ELMO1: variants seen among roughly 807,000 people sequenced by gnomAD.
The protein encoded by ELMO1 is engulfment and cell motility 1, also known as engulfment and cell motility protein 1.
Under a neutral mutation model 98.9 loss-of-function variants are expected in ELMO1, and 26 were observed. That is an observed-to-expected ratio of 0.26 (90% CI 0.19 to 0.36). ELMO1 has a LOEUF of 0.36. ELMO1 is among the 10% of genes least tolerant of loss of function. ELMO1 has a pLI of 1.00. For missense variants in ELMO1, 627 were observed against 935.2 expected, an observed-to-expected ratio of 0.67 and a Z score of 4.30; for synonymous variants, 346 against 346.0, an observed-to-expected ratio of 1.00 and a Z score of 0.00.
At chr7:37,285,125 T>C (rs1308600968) in intron 4 of ELMO1, among the ~76,000 whole-genome samples, 1 of 152,220 alleles carries the variant, frequency 6.6e-6, no homozygotes, top group African/African-American at 2.4e-5. Flanking sequence ...AGTTTCTGCA[T>C]CACCCGTGGG....
chr7:36,897,349 T>TGTGTGTGTGTGTGTGTGA (rs1370708472), intron 16 of ELMO1, among the ~76,000 whole-genome samples: 1,977 of 151,696 alleles, frequency 0.013, 17 homozygotes, highest in Non-Finnish European at 0.02. Flanking sequence ...TGTGTGTGTG[T>TGTGTGTGTGTGTGTGTGA]GAAAGAGTGT....
At chr7:37,204,075 G>A (rs531286619) in intron 13 of ELMO1, 5 of 456,276 alleles carry the variant, frequency 1.1e-5, no homozygotes, top group East Asian at 7.0e-5. Flanking sequence ...AAATAGGACA[G>A]AATAGCAAGC....
intron 4 of ELMO1, among the ~76,000 whole-genome samples, chr7:37,287,499 G>A (rs1797455003): frequency 6.6e-6 from 1 of 152,168 alleles, no homozygotes; most frequent in Non-Finnish European, 1.5e-5. Context: ...GGCATAAGAT[G>A]ATAAATGATA....
chr7:37,345,451 C>T (rs917607654), intron 1 of ELMO1, among the ~76,000 whole-genome samples: 6 of 152,038 alleles, frequency 3.9e-5, no homozygotes, highest in Admixed American at 6.6e-5. Flanking sequence ...GTGGCTCACG[C>T]CTGTAATCCC....
intron 6 of ELMO1, among the ~76,000 whole-genome samples, chr7:37,256,186 C>G (rs1034412154): frequency 6.6e-6 from 1 of 152,120 alleles, no homozygotes; most frequent in African/African-American, 2.4e-5. Context: ...CTGACAACAT[C>G]CAGGGTTTAC....
intron 8 of ELMO1, among the ~76,000 whole-genome samples, chr7:37,230,195 T>G (rs1287036289): frequency 6.6e-6 from 1 of 152,100 alleles, no homozygotes; most frequent in Non-Finnish European, 1.5e-5. Flanking sequence ...GATAAAGACA[T>G]GAAGAAAGCC....
At chr7:36,999,492 G>C (rs1471586308) in intron 16 of ELMO1, among the ~76,000 whole-genome samples, 5 of 152,146 alleles carry the variant, frequency 3.3e-5, no homozygotes, top group African/African-American at 9.7e-5. Flanking sequence ...AAGGAGCTAG[G>C]GTGTGAATCC....
chr7:37,403,312 C>T (rs904726456), intron 1 of ELMO1, among the ~76,000 whole-genome samples: 2 of 152,044 alleles, frequency 1.3e-5, no homozygotes, highest in African/African-American at 4.8e-5. Flanking sequence ...AATCCCAACA[C>T]TTTGAGAGGG....
At chr7:36,902,365 A>G (rs1374858959) in intron 16 of ELMO1, among the ~76,000 whole-genome samples, 1 of 152,146 alleles carries the variant, frequency 6.6e-6, no homozygotes, top group Non-Finnish European at 1.5e-5. Context: ...TGGCCCTCTG[A>G]GCTCTAAGCT....
chr7:37,119,247 GAGA>G (rs1785829363), intron 14 of ELMO1, among the ~76,000 whole-genome samples: 1 of 152,186 alleles, frequency 6.6e-6, no homozygotes, highest in African/African-American at 2.4e-5. Flanking sequence ...GGGCCTTGAG[GAGA>G]AGAACAGAGA....
At chr7:36,885,800 C>G (rs561089177) in intron 18 of ELMO1, among the ~76,000 whole-genome samples, 3 of 152,302 alleles carry the variant, frequency 2.0e-5, no homozygotes, top group South Asian at 2.1e-4. Flanking sequence ...AACTGAGAAG[C>G]CTGGCACCAA....
intron 16 of ELMO1, among the ~76,000 whole-genome samples, chr7:36,982,017 A>G (rs1162576815): frequency 1.3e-5 from 2 of 152,244 alleles, no homozygotes; most frequent in African/African-American, 4.8e-5. Context: ...TAGAGTAGCC[A>G]CTAAACACGG....
chr7:37,041,151 A>G (rs576883342), intron 15 of ELMO1, among the ~76,000 whole-genome samples: 51 of 151,536 alleles, frequency 3.4e-4, no homozygotes, highest in African/African-American at 1.1e-3. Flanking sequence ...CAGAGAAAAG[A>G]GGGGCATATG....
At chr7:37,155,599 G>A (rs187510624) in intron 13 of ELMO1, among the ~76,000 whole-genome samples, 2 of 151,834 alleles carry the variant, frequency 1.3e-5, no homozygotes, top group African/African-American at 4.8e-5. Flanking sequence ...AATGGTAAAG[G>A]GATCAATTCA....
chr7:36,937,195 C>T (rs1786610996), intron 16 of ELMO1, among the ~76,000 whole-genome samples: 1 of 152,200 alleles, frequency 6.6e-6, no homozygotes, highest in Admixed American at 6.5e-5. Flanking sequence ...GGAAACAGTG[C>T]CATTGCAGAT....
At chr7:37,180,558 C>G (rs1174338705) in intron 13 of ELMO1, among the ~76,000 whole-genome samples, 1 of 152,046 alleles carries the variant, frequency 6.6e-6, no homozygotes, top group Non-Finnish European at 1.5e-5. Context: ...ACTGCATCCT[C>G]GTCTAGGAAA....
intron 16 of ELMO1, among the ~76,000 whole-genome samples, chr7:36,995,167 C>A (rs1792116116): frequency 6.6e-6 from 1 of 152,012 alleles, no homozygotes; most frequent in African/African-American, 2.4e-5. Context: ...CAGAAGAAAC[C>A]ATTTTTCTTT....
chr7:36,929,709 G>A (rs1431902121), intron 16 of ELMO1, among the ~76,000 whole-genome samples: 1 of 152,140 alleles, frequency 6.6e-6, no homozygotes, highest in Non-Finnish European at 1.5e-5. Flanking sequence ...ACACCACAAT[G>A]TGAAAATAGC....
In ELMO1 at chr7:37,358,692, C is replaced by T. The variant is rs75490031; in HGVS notation, c.-73-15929G>A. ...TCTCGGCCTTGATTTGAAACTCCTA[C>T]AAACTTTATAGAGGAAATATGGGGA... On this transcript the variant is annotated intron_variant, in intron 1 of 21. Coordinates refer to ENST00000310758, the MANE Select transcript of ELMO1 (RefSeq NM_014800.11). 3.0e-3 allele frequency among the ~76,000 whole-genome samples: 457 copies of T among 152,224 alleles called. 2 individuals are homozygous for T. Among genetic ancestry groups the T allele is most frequent in the African/African-American group, 0.011 (448 of 41,538 alleles).
Sources: allele counts gnomAD v4.1 joint callset (sites outside exome capture counted in the v4.1 genomes callset), GRCh38; gene constraint gnomAD v4.1.1; transcripts MANE v1.5; gene names NCBI Gene and HGNC (gene_info 2026-07-23, HGNC 2026-07-21).